SAMTOR: variants seen among roughly 807,000 people sequenced by gnomAD.
SAMTOR encodes UPF0532 protein C7orf60.
At chr7:112,853,012 C>T in the SAMTOR span, among the ~76,000 whole-genome samples, 12 of 151,886 alleles carry the variant, frequency 7.9e-5, no homozygotes, top group Non-Finnish European at 5.9e-5. Flanking sequence ...CATATCTGCC[C>T]TACATTTCAT....
chr7:112,931,631 T>G, the SAMTOR span, among the ~76,000 whole-genome samples: 4 of 152,220 alleles, frequency 2.6e-5, no homozygotes, highest in African/African-American at 9.6e-5. Flanking sequence ...CTTTTGGAAC[T>G]TAATTTTCAT....
the SAMTOR span, among the ~76,000 whole-genome samples, chr7:112,835,382 T>G: frequency 6.6e-6 from 1 of 152,130 alleles, no homozygotes; most frequent in South Asian, 2.1e-4. Flanking sequence ...GGCAAGTGGA[T>G]GGACACTATT....
the SAMTOR span, among the ~76,000 whole-genome samples, chr7:112,921,315 T>C: frequency 6.6e-6 from 1 of 151,984 alleles, no homozygotes; most frequent in African/African-American, 2.4e-5. Flanking sequence ...TATCTGATCT[T>C]TGACAAACCT....
the SAMTOR span, among the ~76,000 whole-genome samples, chr7:112,828,189 G>A: frequency 6.6e-6 from 1 of 152,156 alleles, no homozygotes; most frequent in Non-Finnish European, 1.5e-5. Flanking sequence ...TTAAGTTGTT[G>A]TATTAGTTTG....
chr7:112,929,856 C>T, the SAMTOR span, among the ~76,000 whole-genome samples: 1 of 152,042 alleles, frequency 6.6e-6, no homozygotes, highest in African/African-American at 2.4e-5. Context: ...TTTAAAAAGA[C>T]ACAATTTACT....
At chr7:112,910,540 G>A in the SAMTOR span, among the ~76,000 whole-genome samples, 1 of 152,080 alleles carries the variant, frequency 6.6e-6, no homozygotes, top group African/African-American at 2.4e-5. Context: ...AAATATCACT[G>A]TACATATTAC....
At chr7:112,931,374 G>A in the SAMTOR span, among the ~76,000 whole-genome samples, 45 of 151,286 alleles carry the variant, frequency 3.0e-4, 3 homozygotes, top group Non-Finnish European at 1.5e-5. Context: ...ACTGGCTCAC[G>A]GTGTATCTTC....
chr7:112,864,777 C>G, the SAMTOR span, among the ~76,000 whole-genome samples: 1 of 152,148 alleles, frequency 6.6e-6, no homozygotes, highest in African/African-American at 2.4e-5. Context: ...TTTTTTGAGA[C>G]AGGGTCTCTC....
At chr7:112,925,090 T>G in the SAMTOR span, among the ~76,000 whole-genome samples, 16 of 152,172 alleles carry the variant, frequency 1.1e-4, no homozygotes, top group African/African-American at 3.6e-4. Context: ...CACTACTGCT[T>G]TCCTCAGTTT....
the SAMTOR span, among the ~76,000 whole-genome samples, chr7:112,862,530 T>C: frequency 1.3e-5 from 2 of 152,218 alleles, no homozygotes; most frequent in Non-Finnish European, 2.9e-5. Flanking sequence ...GAAAATAATA[T>C]AGTTCTAACA....
the SAMTOR span, among the ~76,000 whole-genome samples, chr7:112,919,442 C>G: frequency 6.6e-6 from 1 of 151,548 alleles, no homozygotes; most frequent in Non-Finnish European, 1.5e-5. Flanking sequence ...GGGACACATT[C>G]AAAGCAGTGT....
chr7:112,920,171 C>T, the SAMTOR span, among the ~76,000 whole-genome samples: 6 of 152,326 alleles, frequency 3.9e-5, no homozygotes, highest in East Asian at 9.6e-4. Context: ...GACCAATATC[C>T]TTGATGAACA....
chr7:112,902,425 A>AC, the SAMTOR span, among the ~76,000 whole-genome samples: 1 of 99,956 alleles, frequency 1.0e-5, no homozygotes, highest in African/African-American at 4.0e-5. Flanking sequence ...TCAAAAAAAA[A>AC]AAACAAAAAA....
At chr7:112,898,809 T>TATCTTC in the SAMTOR span, among the ~76,000 whole-genome samples, 1 of 152,208 alleles carries the variant, frequency 6.6e-6, no homozygotes, top group South Asian at 2.1e-4. Flanking sequence ...ACTTCTCCCT[T>TATCTTC]ATCTTCAAGT....
At chr7:112,872,093 C>T in the SAMTOR span, among the ~76,000 whole-genome samples, 5 of 152,020 alleles carry the variant, frequency 3.3e-5, no homozygotes, top group Non-Finnish European at 7.4e-5. Flanking sequence ...CCAAAAAAAT[C>T]GAGGAGGAGG....
chr7:112,836,246 G>A, the SAMTOR span, among the ~76,000 whole-genome samples: 1 of 152,120 alleles, frequency 6.6e-6, no homozygotes, highest in Non-Finnish European at 1.5e-5. Flanking sequence ...TAGTGATGTT[G>A]AGCATTTTTT....
At chr7:112,865,721 T>TATACATATATTCATATATATTTCATAC in the SAMTOR span, among the ~76,000 whole-genome samples, 1 of 138,826 alleles carries the variant, frequency 7.2e-6, no homozygotes, top group Non-Finnish European at 1.5e-5. Flanking sequence ...ATATTTCATA[T>TATACATATATTCATATATATTTCATAC]ATACATATAT....
chr7:112,854,871 G>A, the SAMTOR span, among the ~76,000 whole-genome samples: 1 of 152,146 alleles, frequency 6.6e-6, no homozygotes, highest in Non-Finnish European at 1.5e-5. Flanking sequence ...TCCATATACA[G>A]AGCTCAGAGA....
At chr7:112,927,577 A>T in the SAMTOR span, among the ~76,000 whole-genome samples, 1 of 152,036 alleles carries the variant, frequency 6.6e-6, no homozygotes, top group Non-Finnish European at 1.5e-5. Context: ...CATGTGTCTT[A>T]AAGTAAAAGT....
Sources: gnomAD v4.1 joint callset for allele counts (sites outside exome capture counted in the v4.1 genomes callset) on GRCh38, gnomAD v4.1.1 for gene constraint, MANE v1.5 for transcripts, NCBI Gene and HGNC (gene_info 2026-07-23, HGNC 2026-07-21) for gene names.